ANKRD18A: variants seen among roughly 807,000 people sequenced by gnomAD.
ANKRD18A encodes ankyrin repeat domain-containing protein 18A.
In ANKRD18A, 72 loss-of-function variants were observed where a neutral mutation model predicts 110.6. That is an observed-to-expected ratio of 0.65 (90% CI 0.54 to 0.79). The LOEUF (loss-of-function observed/expected upper bound fraction) is 0.79, where lower values mean the gene tolerates loss of function less well. Among genes scored for constraint, ANKRD18A ranks in the 30% least tolerant of loss-of-function variants. The pLI is 0.00. For missense variants in ANKRD18A, 934 were observed against 1,163.3 expected (o/e 0.80, Z 2.87); for synonymous variants, 305 against 410.3 (o/e 0.74, Z 3.10).
In ANKRD18A at chr9:38,573,751, A is replaced by G. The variant is rs201849286; in HGVS notation, c.2965-1692T>C. On this transcript the variant is annotated intron_variant, in intron 15 of 15. Transcript: ENST00000399703. ...AAAAAAAGGTTAAACAATTAAAGTC[A>G]CATTTTGCAATGAATGAATGCATTG... Among the ~76,000 whole-genome samples the G allele has an allele frequency of 1.3e-4, 20 of 152,292 alleles. No homozygotes were observed. The East Asian group carries it at 3.9e-3, about 29-fold the overall frequency.
Position 38,596,502 on chromosome 9 carries a change from A to G in ANKRD18A, c.937-99T>C, listed in dbSNP as rs1348458441. The G allele has an allele frequency of 1.1e-5, 12 of 1,102,732 alleles. No individual in the cohort carries two copies. The East Asian group carries it at 3.2e-4, about 29-fold the overall frequency. 68.3% of individuals were successfully genotyped at this position (1,102,732 alleles called of 1,614,324 possible). Reference sequence around the variant, plus strand: ...AGCAATCTATACATTCATGCAATTAAAAGTTGCTGTAAGTGGATATCCAAC... The same window carrying G: ...AGCAATCTATACATTCATGCAATTAGAAGTTGCTGTAAGTGGATATCCAAC... On this transcript the variant is annotated intron_variant, in intron 8 of 15. Coordinates refer to ENST00000399703, the MANE Select transcript of ANKRD18A (RefSeq NM_147195.4).
chr9:38,619,710 A>T (rs1826004612), intron 1 of ANKRD18A, among the ~76,000 whole-genome samples: 1 of 152,086 alleles, frequency 6.6e-6, no homozygotes, highest in Admixed American at 6.5e-5. Context: ...CCAGTAAAGA[A>T]CCTGTCTACC....
At chr9:38,574,233 T>C (rs1261317284) in intron 15 of ANKRD18A, among the ~76,000 whole-genome samples, 1 of 152,204 alleles carries the variant, frequency 6.6e-6, no homozygotes, top group East Asian at 1.9e-4. Context: ...AGGACATGAT[T>C]TTATTCTTTT....
intron 10 of ANKRD18A, among the ~76,000 whole-genome samples, chr9:38,589,723 G>A (rs1443272472): frequency 6.6e-6 from 1 of 152,124 alleles, no homozygotes; most frequent in Admixed American, 6.5e-5. Context: ...TAGCAGAGAT[G>A]GTGTTTCACA....
In ANKRD18A at chr9:38,571,604, C is replaced by G; in HGVS notation, c.*441G>C. 1 of 1,009,482 alleles carries G rather than the reference C, an allele frequency of 9.9e-7. No homozygotes were observed. The highest frequency in any genetic ancestry group is 4.4e-5 in the South Asian group (1 of 22,812). 62.5% of individuals were successfully genotyped at this position (1,009,482 alleles called of 1,614,324 possible). A position where few individuals can be genotyped will look rare whatever the true frequency, so the allele number is the denominator to read the frequency against. On this transcript the variant is annotated 3_prime_UTR_variant, in exon 16 of 16. Transcript: ENST00000399703. Reference sequence around the variant, plus strand: ...CTAGTATGGACAAACCTGGCAGATACTCTTTAAGTCTCCTACTACATATGG... The same window carrying G: ...CTAGTATGGACAAACCTGGCAGATAGTCTTTAAGTCTCCTACTACATATGG...
chr9:38,607,367 C>A (rs1254340373), intron 6 of ANKRD18A, 59 bp downstream of exon 6: 5 of 1,380,532 alleles, frequency 3.6e-6, no homozygotes, highest in Non-Finnish European at 4.8e-6. Context: ...TGTAATTTTG[C>A]TTTTTAAAAT....
intron 9 of ANKRD18A, among the ~76,000 whole-genome samples, chr9:38,594,517 T>C (rs1209963655): frequency 2.0e-5 from 3 of 152,200 alleles, no homozygotes; most frequent in African/African-American, 7.2e-5. Flanking sequence ...TATAAATACC[T>C]GCCAGTGGAA....
At chr9:38,619,124 C>T (rs1675072277) in intron 1 of ANKRD18A, among the ~76,000 whole-genome samples, 1 of 151,922 alleles carries the variant, frequency 6.6e-6, no homozygotes, top group African/African-American at 2.4e-5. Flanking sequence ...AGAATGCCTG[C>T]TTGCGAGGTC....
At chr9:38,577,758 G>T (rs1823963919) in intron 13 of ANKRD18A, 109 bp downstream of exon 13, 1 of 1,247,278 alleles carries the variant, frequency 8.0e-7, no homozygotes, top group Non-Finnish European at 1.1e-6. Flanking sequence ...GAAGGAAATT[G>T]CTGTAAGAGA....
rs567998377 is a variant in ANKRD18A at position 38,589,238 on chromosome 9, ACT to A, written c.2005-577_2005-576del. Reference sequence around the variant, plus strand: ...AATACACAAATAATAACTTTTGTCTACTTTTTGTGGCTTTTCTATTATCCTGT... The same window carrying A: ...AATACACAAATAATAACTTTTGTCTATTTTGTGGCTTTTCTATTATCCTGT... On this transcript the variant is annotated intron_variant, in intron 10 of 15. Coordinates refer to ENST00000399703, the MANE Select transcript of ANKRD18A (RefSeq NM_147195.4). Among the ~76,000 whole-genome samples the A allele has an allele frequency of 8.0e-3, 1,222 of 152,312 alleles. 11 individuals carry two copies. Among genetic ancestry groups the A allele is most frequent in the African/African-American group, 0.028 (1,150 of 41,554 alleles).
chr9:38,594,008 A>T, intron 9 of ANKRD18A, 99 bp from the exon 10 acceptor site: 1 of 1,202,830 alleles, frequency 8.3e-7, no homozygotes, highest in East Asian at 2.8e-5. Flanking sequence ...TTATTACCAC[A>T]CACACAGATT....
chr9:38,600,790 C>T (rs139267046), intron 8 of ANKRD18A, among the ~76,000 whole-genome samples: 52 of 152,158 alleles, frequency 3.4e-4, no homozygotes, highest in African/African-American at 1.2e-3. Context: ...TGGCCATCAC[C>T]GTTCAATTGC....
chr9:38,597,964 AT>A (rs1379022553), intron 8 of ANKRD18A, among the ~76,000 whole-genome samples: 1 of 152,214 alleles, frequency 6.6e-6, no homozygotes, highest in African/African-American at 2.4e-5. Flanking sequence ...AAGTATGTGT[AT>A]TTGTTTCCAA....
chr9:38,577,351 C>G (rs200082378), intron 13 of ANKRD18A, 87 bp from the exon 14 acceptor site: 1 of 1,344,218 alleles, frequency 7.4e-7, no homozygotes, highest in Admixed American at 3.0e-5. Flanking sequence ...ATCAGTGATT[C>G]GAAGAGCAAT....
intron 11 of ANKRD18A, among the ~76,000 whole-genome samples, chr9:38,587,089 T>A (rs1490834736): frequency 6.6e-6 from 1 of 152,132 alleles, no homozygotes; most frequent in Non-Finnish European, 1.5e-5. Flanking sequence ...AAGGACATTA[T>A]TCAATGTAGA....
intron 1 of ANKRD18A, 119 bp from the exon 2 acceptor site, chr9:38,616,163 C>G (rs1233889809): frequency 5.2e-6 from 4 of 771,990 alleles, no homozygotes; most frequent in Non-Finnish European, 8.0e-6. Context: ...AAATAATTTT[C>G]TTTTGAAGAA....
At chr9:38,606,488 T>C (rs962952087) in intron 6 of ANKRD18A, among the ~76,000 whole-genome samples, 2 of 152,252 alleles carry the variant, frequency 1.3e-5, no homozygotes, top group African/African-American at 4.8e-5. Flanking sequence ...TATGATTTTC[T>C]TTATAACAGC....
intron 14 of ANKRD18A, 27 bp from the exon 15 acceptor site, chr9:38,575,725 T>C: frequency 6.6e-7 from 1 of 1,516,364 alleles, no homozygotes; most frequent in Non-Finnish European, 8.8e-7. Flanking sequence ...GACAAATGCT[T>C]AGTATTTCAT....
At chr9:38,567,276 A>G (rs1215784359), downstream of ANKRD18A, 4 of 152,242 alleles carry the variant, frequency 2.6e-5, no homozygotes, top group Non-Finnish European at 4.4e-5. Flanking sequence ...AATTGAGAAC[A>G]AAGCCATCCT....
Sources: allele counts gnomAD v4.1 joint callset (sites outside exome capture counted in the v4.1 genomes callset), GRCh38; gene constraint gnomAD v4.1.1; transcripts MANE v1.5; gene names NCBI Gene and HGNC (gene_info 2026-07-23, HGNC 2026-07-21).